CDH12: variants seen among roughly 807,000 people sequenced by gnomAD.
CDH12 encodes cadherin 12, also known as cadherin-12.
CDH12 carries 41 observed loss-of-function variants against 74.1 expected under a neutral mutation model. The ratio of observed to expected loss-of-function variants is 0.55; its 90% CI spans 0.43 to 0.72. CDH12 has a LOEUF of 0.72. Among genes scored for constraint, CDH12 ranks in the 30% least tolerant of loss-of-function variants. The pLI, the probability that CDH12 is intolerant of heterozygous loss-of-function variation, is 0.00. For missense variants in CDH12, 945 were observed against 977.2 expected, an observed-to-expected ratio of 0.97 and a Z score of 0.44; for synonymous variants, 399 against 355.0, an observed-to-expected ratio of 1.12 and a Z score of -1.39.
At chr5:22,765,795 T>C (rs1224822277) in intron 1 of CDH12, among the ~76,000 whole-genome samples, 1 of 151,834 alleles carries the variant, frequency 6.6e-6, no homozygotes, top group Non-Finnish European at 1.5e-5. Flanking sequence ...GCTTTTATGT[T>C]CTCAGAGTAT....
rs540485951 is a variant in CDH12 at position 22,324,511 on chromosome 5, A to G, written c.-333+80746T>C. The stretch of plus-strand genomic sequence containing the variant: ...AGTTACTAAGTTATCATGGTTGTAG[A>G]TTACCTTACTGAGTGTATCTCAAGT... On this transcript the variant is annotated intron_variant, in intron 3 of 14. Coordinates refer to ENST00000382254, the MANE Select transcript of CDH12 (RefSeq NM_004061.5). Among the ~76,000 whole-genome samples, 113 of 152,018 alleles carry G rather than the reference A, an allele frequency of 7.4e-4. 5 individuals are homozygous for G. In the South Asian group the frequency reaches 0.023, roughly 31 times the overall value.
At chr5:22,564,240 C>T (rs1383598938) in intron 1 of CDH12, among the ~76,000 whole-genome samples, 1 of 152,204 alleles carries the variant, frequency 6.6e-6, no homozygotes, top group Non-Finnish European at 1.5e-5. Context: ...TTTACTGCAA[C>T]TCACATTCTT....
chr5:22,473,521 C>T (rs1181343336), intron 2 of CDH12, among the ~76,000 whole-genome samples: 5 of 152,022 alleles, frequency 3.3e-5, no homozygotes. Context: ...ATATGTGAAG[C>T]ATGGGGATAA....
intron 2 of CDH12, among the ~76,000 whole-genome samples, chr5:22,417,314 G>A (rs1743439801): frequency 6.6e-6 from 1 of 152,194 alleles, no homozygotes; most frequent in African/African-American, 2.4e-5. Flanking sequence ...ACCTTCAAGA[G>A]GTGATTAGGT....
intron 4 of CDH12, among the ~76,000 whole-genome samples, chr5:22,193,788 T>C (rs1046023003): frequency 6.6e-6 from 1 of 151,936 alleles, no homozygotes; most frequent in Non-Finnish European, 1.5e-5. Flanking sequence ...CTGTACTCTT[T>C]CACTGCAGTA....
At chr5:22,624,831 A>T (rs932523351) in intron 1 of CDH12, among the ~76,000 whole-genome samples, 2 of 152,190 alleles carry the variant, frequency 1.3e-5, no homozygotes, top group Non-Finnish European at 2.9e-5. Flanking sequence ...AAGGATTATA[A>T]ATCATGCTGC....
chr5:22,406,072 A>G (rs967627615), intron 2 of CDH12, among the ~76,000 whole-genome samples: 9 of 152,198 alleles, frequency 5.9e-5, no homozygotes, highest in Non-Finnish European at 1.3e-4. Flanking sequence ...AATATATTCA[A>G]TTCAATACTG....
rs1218799927 is a variant in CDH12 at position 22,228,458 on chromosome 5, T to G, written c.-332-15815A>C. Among the ~76,000 whole-genome samples, 4 of 152,276 alleles carry G rather than the reference T, an allele frequency of 2.6e-5. 1 individual carries two copies. Among genetic ancestry groups the G allele is most frequent in the African/African-American group, 2.4e-5 (1 of 41,564 alleles). On this transcript the variant is annotated intron_variant, in intron 3 of 14. Transcript: ENST00000382254. ...TTAACATTTAGTAGTGGATAAAATA[T>G]GTTTCTAATGAAAAACTTCAGATTA...
intron 6 of CDH12, among the ~76,000 whole-genome samples, chr5:21,897,649 C>T (rs1437608170): frequency 6.6e-6 from 1 of 152,130 alleles, no homozygotes; most frequent in African/African-American, 2.4e-5. Context: ...GTTTTGTATA[C>T]ATATGCTTGC....
At chr5:22,623,929 A>G (rs1738126786) in intron 1 of CDH12, among the ~76,000 whole-genome samples, 1 of 152,244 alleles carries the variant, frequency 6.6e-6, no homozygotes, top group Non-Finnish European at 1.5e-5. Flanking sequence ...ACAAGGCTAC[A>G]GTAAACAAAA....
At chr5:22,445,935 T>C (rs1386799950) in intron 2 of CDH12, among the ~76,000 whole-genome samples, 1 of 152,140 alleles carries the variant, frequency 6.6e-6, no homozygotes, top group African/African-American at 2.4e-5. Flanking sequence ...TTTAAGCCTC[T>C]TGGCATTTCA....
At chr5:22,200,805 A>G (rs1343834275) in intron 4 of CDH12, among the ~76,000 whole-genome samples, 1 of 152,226 alleles carries the variant, frequency 6.6e-6, no homozygotes, top group African/African-American at 2.4e-5. Context: ...TTCTTTTTAC[A>G]AAGCATTTGG....
intron 5 of CDH12, among the ~76,000 whole-genome samples, chr5:22,035,631 A>T (rs188702655): frequency 6.6e-6 from 1 of 151,652 alleles, no homozygotes; most frequent in Non-Finnish European, 1.5e-5. Flanking sequence ...CCTAGAACTG[A>T]CCCCAATTTA....
intron 1 of CDH12, among the ~76,000 whole-genome samples, chr5:22,675,736 T>C (rs1741135040): frequency 1.3e-5 from 2 of 151,952 alleles, no homozygotes; most frequent in Admixed American, 6.6e-5. Flanking sequence ...TCCCCAGCCA[T>C]GTGGAACTCT....
intron 2 of CDH12, among the ~76,000 whole-genome samples, chr5:22,433,059 T>A (rs997540626): frequency 6.6e-6 from 1 of 152,114 alleles, no homozygotes; most frequent in Non-Finnish European, 1.5e-5. Flanking sequence ...CAAGAAAAGC[T>A]GACCTTGGCA....
intron 3 of CDH12, among the ~76,000 whole-genome samples, chr5:22,308,680 A>T (rs1278677890): frequency 6.6e-6 from 1 of 152,094 alleles, no homozygotes; most frequent in Admixed American, 6.6e-5. Flanking sequence ...CTATTTGCAG[A>T]TCCTTAACTT....
chr5:22,707,179 T>C (rs1421659875), intron 1 of CDH12, among the ~76,000 whole-genome samples: 3 of 152,278 alleles, frequency 2.0e-5, no homozygotes, highest in East Asian at 3.9e-4. Flanking sequence ...CTACTAAATA[T>C]GCATAAATCC....
intron 3 of CDH12, among the ~76,000 whole-genome samples, chr5:22,376,740 C>G (rs1487908811): frequency 7.1e-6 from 1 of 141,176 alleles, no homozygotes; most frequent in Non-Finnish European, 1.5e-5. Context: ...CCAGGCCAGT[C>G]TCAAAATCCT....
intron 3 of CDH12, among the ~76,000 whole-genome samples, chr5:22,318,985 A>G (rs1738748417): frequency 2.0e-5 from 3 of 152,332 alleles, no homozygotes; most frequent in South Asian, 2.1e-4. Context: ...GGAAAAAAGC[A>G]TAAGATTGTT....
Sources: gnomAD v4.1 joint callset for allele counts (sites outside exome capture counted in the v4.1 genomes callset) on GRCh38, gnomAD v4.1.1 for gene constraint, MANE v1.5 for transcripts, NCBI Gene and HGNC (gene_info 2026-07-23, HGNC 2026-07-21) for gene names.